The following CSMD1 variants were observed in gnomAD, a reference collection of about 807,000 sequenced individuals.
The protein encoded by CSMD1 is CUB and Sushi multiple domains 1, also known as CUB and sushi domain-containing protein 1.
In CSMD1, 213 loss-of-function variants were observed where a neutral mutation model predicts 417.5. The observed-to-expected ratio is 0.51, with a 90% confidence interval of 0.46 to 0.57. The LOEUF is 0.57. CSMD1 is among the 20% of genes least tolerant of loss of function. The pLI is 0.00. For missense variants in CSMD1, 6,923 were observed against 4,529.7 expected, an observed-to-expected ratio of 1.53 and a Z score of -15.17; for synonymous variants, 2,862 against 1,736.8, an observed-to-expected ratio of 1.65 and a Z score of -16.11.
In CSMD1 at chr8:4,975,481, T is replaced by C. The variant is rs116599224; in HGVS notation, c.85+18851A>G. Among the ~76,000 whole-genome samples, 1,167 of 152,284 alleles carry C rather than the reference T, an allele frequency of 7.7e-3. 13 individuals carry two copies. The highest frequency in any genetic ancestry group is 0.026 in the African/African-American group (1,100 of 41,562). ...ATCTGATAGCCACTAAAAACAGAAG[T>C]CAAGTTATGTCAGGGCTGAAAGCAA... On this transcript the variant is annotated intron_variant, in intron 1 of 69. Coordinates refer to ENST00000635120, the MANE Select transcript of CSMD1 (RefSeq NM_033225.6).
chr8:3,560,757 C>A (rs919377148), intron 10 of CSMD1, among the ~76,000 whole-genome samples: 1 of 152,110 alleles, frequency 6.6e-6, no homozygotes, highest in Non-Finnish European at 1.5e-5. Flanking sequence ...TTCAGGAGAA[C>A]TTTTTTGGCT....
intron 3 of CSMD1, among the ~76,000 whole-genome samples, chr8:4,247,205 G>C (rs1186472269): frequency 3.3e-5 from 5 of 152,074 alleles, no homozygotes; most frequent in African/African-American, 9.7e-5. Context: ...CATTTCTCTA[G>C]AACAATTCCT....
chr8:4,128,708 C>T (rs1486721761), intron 3 of CSMD1, among the ~76,000 whole-genome samples: 1 of 152,118 alleles, frequency 6.6e-6, no homozygotes, highest in Non-Finnish European at 1.5e-5. Context: ...CACACACTGT[C>T]CACTCATCCT....
intron 5 of CSMD1, among the ~76,000 whole-genome samples, chr8:3,984,218 A>C (rs1017269894): frequency 7.2e-6 from 1 of 138,272 alleles, no homozygotes; most frequent in African/African-American, 2.7e-5. Context: ...AGCCACCTGC[A>C]CAGTGAAGCC....
chr8:4,231,879 C>G (rs1801755103), intron 3 of CSMD1, among the ~76,000 whole-genome samples: 1 of 152,210 alleles, frequency 6.6e-6, no homozygotes, highest in African/African-American at 2.4e-5. Context: ...ACATCAACTC[C>G]TAATACTTGT....
chr8:4,448,732 T>C (rs866720354), intron 2 of CSMD1, among the ~76,000 whole-genome samples: 6 of 152,220 alleles, frequency 3.9e-5, no homozygotes, highest in South Asian at 2.1e-4. Context: ...AATTTCACTT[T>C]TGAATTTTTC....
chr8:4,383,846 T>C (rs1440938291), intron 3 of CSMD1, among the ~76,000 whole-genome samples: 1 of 152,058 alleles, frequency 6.6e-6, no homozygotes, highest in African/African-American at 2.4e-5. Flanking sequence ...AATAATAACA[T>C]GGAAATAAAC....
At chr8:4,060,834 A>C (rs1309585222) in intron 3 of CSMD1, among the ~76,000 whole-genome samples, 1 of 152,212 alleles carries the variant, frequency 6.6e-6, no homozygotes, top group Non-Finnish European at 1.5e-5. Flanking sequence ...TCAGAAATGC[A>C]TTAATCATGT....
chr8:4,064,645 C>G (rs536949152), intron 3 of CSMD1, among the ~76,000 whole-genome samples: 4 of 152,298 alleles, frequency 2.6e-5, no homozygotes, highest in East Asian at 1.9e-4. Flanking sequence ...TACATGGTTT[C>G]TATGGCAGGT....
intron 3 of CSMD1, among the ~76,000 whole-genome samples, chr8:4,051,889 T>TC (rs1798449125): frequency 4.2e-5 from 1 of 23,780 alleles, no homozygotes; most frequent in South Asian, 1.3e-3. Flanking sequence ...TCTTCCTTCC[T>TC]TCCTTCCTTC....
At chr8:3,504,947 G>T (rs566062912) in intron 10 of CSMD1, among the ~76,000 whole-genome samples, 1 of 151,980 alleles carries the variant, frequency 6.6e-6, no homozygotes, top group South Asian at 2.1e-4. Context: ...AAATGCTTAA[G>T]CACAACAACA....
chr8:3,396,848 T>G (rs1042596366), intron 16 of CSMD1, among the ~76,000 whole-genome samples: 21 of 152,028 alleles, frequency 1.4e-4, no homozygotes, highest in African/African-American at 4.6e-4. Flanking sequence ...AGAAGATCAT[T>G]AAAAATGTGT....
intron 56 of CSMD1, 40 bp from the exon 57 acceptor site, chr8:2,973,339 T>TA (rs1804624908): frequency 6.3e-7 from 1 of 1,589,064 alleles, no homozygotes; most frequent in African/African-American, 1.3e-5. Context: ...ACAATTGTGT[T>TA]AGACTTGTTT....
At chr8:4,458,877 G>A (rs866641472) in intron 2 of CSMD1, among the ~76,000 whole-genome samples, 13 of 152,176 alleles carry the variant, frequency 8.5e-5, no homozygotes, top group Middle Eastern at 3.2e-3. Flanking sequence ...TCATTCCACA[G>A]TGAAACAAGC....
intron 7 of CSMD1, among the ~76,000 whole-genome samples, chr8:3,617,685 T>A (rs554004419): frequency 4.7e-4 from 71 of 152,196 alleles, no homozygotes; most frequent in Non-Finnish European, 7.9e-4. Flanking sequence ...GACAACAGCA[T>A]GTATGCAACA....
At chr8:3,422,196 C>A (rs988369102) in intron 12 of CSMD1, among the ~76,000 whole-genome samples, 15 of 152,104 alleles carry the variant, frequency 9.9e-5, no homozygotes, top group African/African-American at 2.7e-4. Flanking sequence ...AGTCTTGTTG[C>A]CTCTCACCAT....
chr8:4,360,260 T>C (rs1584954842), intron 3 of CSMD1, among the ~76,000 whole-genome samples: 1 of 152,250 alleles, frequency 6.6e-6, no homozygotes, highest in East Asian at 1.9e-4. Flanking sequence ...AACACACATC[T>C]ACCTCCCTGA....
intron 1 of CSMD1, among the ~76,000 whole-genome samples, chr8:4,893,720 G>C (rs1163221227): frequency 2.0e-5 from 3 of 152,076 alleles, no homozygotes; most frequent in Non-Finnish European, 2.9e-5. Context: ...TTACATAAAA[G>C]TCTTCTTCTG....
At chr8:4,405,228 C>A (rs1013996032) in intron 3 of CSMD1, among the ~76,000 whole-genome samples, 1 of 152,146 alleles carries the variant, frequency 6.6e-6, no homozygotes, top group Non-Finnish European at 1.5e-5. Context: ...CGTGGTTTTG[C>A]ATCAATGGAA....
Sources: allele counts gnomAD v4.1 joint callset (sites outside exome capture counted in the v4.1 genomes callset), GRCh38; gene constraint gnomAD v4.1.1; transcripts MANE v1.5; gene names NCBI Gene and HGNC (gene_info 2026-07-23, HGNC 2026-07-21).